ME2: variants seen among roughly 807,000 people sequenced by gnomAD.
ME2 encodes malic enzyme 2.
Under a neutral mutation model 73.7 loss-of-function variants are expected in ME2, and 60 were observed. The observed-to-expected ratio is 0.81, with a 90% confidence interval of 0.66 to 1.01. The LOEUF is 1.01. Among genes scored for constraint, ME2 ranks in the 50% least tolerant of loss-of-function variants. The pLI is 0.00. For synonymous variants in ME2, 199 were observed against 236.9 expected (o/e 0.84, Z 1.47); for missense variants, 594 against 705.5 (o/e 0.84, Z 1.79).
At chr18:50,921,358 G>A (rs1917424019) in intron 10 of ME2, among the ~76,000 whole-genome samples, 171 bp downstream of exon 10, 1 of 152,036 alleles carries the variant, frequency 6.6e-6, no homozygotes, top group African/African-American at 2.4e-5. Context: ...CTTTTACAAA[G>A]ACTTCTGCTT....
intron 4 of ME2, 88 bp downstream of exon 4, chr18:50,913,038 T>A: frequency 1.6e-6 from 2 of 1,214,022 alleles, no homozygotes; most frequent in Non-Finnish European, 2.3e-6. Flanking sequence ...CTATTTTATG[T>A]TTGTTAGCCA....
chr18:50,911,125 G>A (rs1182815727), intron 3 of ME2, among the ~76,000 whole-genome samples: 1 of 152,196 alleles, frequency 6.6e-6, no homozygotes, highest in African/African-American at 2.4e-5. Flanking sequence ...GTAACATTGA[G>A]GAGATCCATG....
At chr18:50,894,955 CAA>C (rs779266092) in intron 1 of ME2, among the ~76,000 whole-genome samples, 11 of 134,558 alleles carry the variant, frequency 8.2e-5, no homozygotes, top group East Asian at 2.1e-4. Flanking sequence ...ATATGAGCTT[CAA>C]AAAAAAAAAA....
chr18:50,913,129 T>G (rs909497697), intron 4 of ME2, 179 bp downstream of exon 4: 1 of 452,492 alleles, frequency 2.2e-6, no homozygotes, highest in Non-Finnish European at 3.8e-6. Flanking sequence ...AACTTTTATC[T>G]TTGTAAAAAT....
At chr18:50,917,903 A>G (rs1306781274) in intron 6 of ME2, among the ~76,000 whole-genome samples, 1 of 151,494 alleles carries the variant, frequency 6.6e-6, no homozygotes, top group African/African-American at 2.4e-5. Context: ...TGCAAAAGAC[A>G]GAGGTTGCAG....
intron 1 of ME2, 48 bp from the exon 2 acceptor site, chr18:50,895,761 C>T (rs1218609908): frequency 2.6e-6 from 3 of 1,138,478 alleles, no homozygotes; most frequent in Non-Finnish European, 3.9e-6. Flanking sequence ...GACATGAAGG[C>T]CTATAATATG....
chr18:50,892,224 A>C, intron 1 of ME2, among the ~76,000 whole-genome samples: 1 of 152,108 alleles, frequency 6.6e-6, no homozygotes, highest in African/African-American at 2.4e-5. Context: ...CCTTCTACCT[A>C]TTCTTTTTCA....
chr18:50,908,088 GA>G lies in ME2; in HGVS notation c.135del (p.Gln46LysfsTer13), dbSNP rs760400757. 1 of 1,585,762 alleles carries G rather than the reference GA, an allele frequency of 6.3e-7. No homozygotes were observed. The highest frequency in any genetic ancestry group is 8.6e-7 in the Non-Finnish European group (1 of 1,166,394). ...GGAATGGCATTTACTTTACAAGAAC[GA>G]CAAATGCTTGGTCTTCAAGGACTTC... ...NKGMAFTLQE[R>X]QMLGLQGLLP... On this transcript the variant is annotated frameshift_variant, in exon 3 of 16. Transcript: ENST00000321341. LOFTEE classifies it high-confidence loss of function.
intron 1 of ME2, among the ~76,000 whole-genome samples, chr18:50,884,251 C>T (rs140744730): frequency 6.6e-6 from 1 of 151,858 alleles, no homozygotes; most frequent in Non-Finnish European, 1.5e-5. Flanking sequence ...AATTATAATA[C>T]TCTTTTGCAT....
Position 50,921,160 on chromosome 18 carries a change from G to A in ME2, c.1029G>A (p.Met343Ile). 1.3e-5 allele frequency: 21 copies of A among 1,590,092 alleles called. No individual in the cohort carries two copies. The highest frequency in any genetic ancestry group is 1.8e-5 in the Non-Finnish European group (21 of 1,162,722). Residue 343 changes from methionine to isoleucine, a missense_variant, in exon 10 of 16, where the codon ATG becomes ATA. Coordinates refer to ENST00000321341, the MANE Select transcript of ME2 (RefSeq NM_002396.5). ...SEQEAQKKIWMFDKYGLLVKG... is the reference protein window; with the variant it reads ...SEQEAQKKIWIFDKYGLLVKG... The stretch of plus-strand genomic sequence containing the variant: ...AAGAGGCACAAAAGAAAATCTGGAT[G>A]TTTGACAAGTATGGTTTATTAGTTA...
At chr18:50,918,239 G>A (rs373393782) in intron 7 of ME2, 26 bp downstream of exon 7, 1 of 1,513,784 alleles carries the variant, frequency 6.6e-7, no homozygotes, top group Non-Finnish European at 9.1e-7. Flanking sequence ...TTGAGTATAT[G>A]AAAGCACCTT....
At chr18:50,883,678 T>G (rs1191093521) in intron 1 of ME2, among the ~76,000 whole-genome samples, 2 of 152,004 alleles carry the variant, frequency 1.3e-5, no homozygotes, top group Non-Finnish European at 2.9e-5. Context: ...GCCTGGCCAA[T>G]ATGGTGAAAC....
intron 12 of ME2, among the ~76,000 whole-genome samples, chr18:50,927,330 C>T (rs968606728): frequency 6.6e-6 from 1 of 152,064 alleles, no homozygotes; most frequent in African/African-American, 2.4e-5. Flanking sequence ...TTTTAATCTT[C>T]ACTCCTTTAA....
Position 50,918,118 on chromosome 18 carries a change from A to T in ME2, c.639A>T (p.Leu213Phe), listed in dbSNP as rs1461654640. ...IDVGTDNIAL[L>F]KDPFYMGLYQ... ...TTTGGTTTATTTTGTAGGCACTCTT[A>T]AAAGACCCATTTTACATGGGCTTGT... Residue 213 changes from leucine (L) to phenylalanine (F), a missense_variant, in exon 7 of 16, where the codon TTA becomes TTT. Transcript: ENST00000321341. 5 of 1,590,596 alleles carry T rather than the reference A, an allele frequency of 3.1e-6. No homozygotes were observed. Among genetic ancestry groups the T allele is most frequent in the Admixed American group, 1.7e-5 (1 of 58,452 alleles).
chr18:50,912,064 G>A (rs1034423101), intron 3 of ME2, among the ~76,000 whole-genome samples: 3 of 152,134 alleles, frequency 2.0e-5, no homozygotes, highest in Non-Finnish European at 1.5e-5. Flanking sequence ...TGGTGTTGGG[G>A]AGGGTAGGAG....
chr18:50,947,214 C>T lies in ME2; in HGVS notation c.*30C>T. 6.3e-7 allele frequency: 1 copy of T among 1,593,438 alleles called. No homozygotes were observed. Among genetic ancestry groups the T allele is most frequent in the Non-Finnish European group, 8.6e-7 (1 of 1,169,284 alleles). On this transcript the variant is annotated 3_prime_UTR_variant, in exon 16 of 16. Transcript: ENST00000321341. ...ACTCCCCTGATAAATACTTTCTGTGCTCCAGGGAACCCCTTTTTTCAGACA... is the reference window on the plus strand; with the variant it reads ...ACTCCCCTGATAAATACTTTCTGTGTTCCAGGGAACCCCTTTTTTCAGACA...
chr18:50,914,785 A>G (rs557885596), intron 4 of ME2, among the ~76,000 whole-genome samples: 69 of 152,336 alleles, frequency 4.5e-4, no homozygotes, highest in African/African-American at 1.6e-3. Context: ...TTTGACAGCA[A>G]TGAGGATCCA....
At chr18:50,928,259 T>C (rs1414558584) in intron 12 of ME2, among the ~76,000 whole-genome samples, 1 of 151,726 alleles carries the variant, frequency 6.6e-6, no homozygotes, top group East Asian at 1.9e-4. Context: ...TTTCTTTTTT[T>C]TTTTGAGATG....
In ME2 at chr18:50,953,092, C is replaced by CTTTTTTTTTT. The variant is rs558021689; in HGVS notation, c.*5917_*5926dup. On this transcript the variant is annotated 3_prime_UTR_variant, in exon 16 of 16. Coordinates refer to ENST00000321341, the MANE Select transcript of ME2 (RefSeq NM_002396.5). The stretch of plus-strand genomic sequence containing the variant: ...CTTCAGATGAGAATTCTCACTTATT[C>CTTTTTTTTTT]TTTTTTTTTTTTTTTTTTCTTTTCT... 1.5e-5 allele frequency: 2 copies of CTTTTTTTTTT among 133,562 alleles called. No individual in the cohort carries two copies. The highest frequency in any genetic ancestry group is 7.6e-5 in the Admixed American group (1 of 13,242). 8.3% of individuals were successfully genotyped at this position (133,562 alleles called of 1,614,324 possible). A position where few individuals can be genotyped will look rare whatever the true frequency, so the allele number is the denominator to read the frequency against.
Sources: allele counts gnomAD v4.1 joint callset (sites outside exome capture counted in the v4.1 genomes callset), GRCh38; gene constraint gnomAD v4.1.1; transcripts MANE v1.5; gene names NCBI Gene and HGNC (gene_info 2026-07-23, HGNC 2026-07-21).